RALGAPA2: variants seen among roughly 807,000 people sequenced by gnomAD.
RALGAPA2 encodes the protein Ral GTPase activating protein catalytic subunit alpha 2.
In RALGAPA2, 139 loss-of-function variants were observed where a neutral mutation model predicts 230.4. The observed-to-expected ratio is 0.60, with a 90% CI of 0.53 to 0.69. The LOEUF is 0.69. Among genes scored for constraint, RALGAPA2 ranks in the 30% least tolerant of loss-of-function variants. The pLI is 0.00. For synonymous variants in RALGAPA2, 847 were observed against 837.8 expected (o/e 1.01, Z -0.19); for missense variants, 2,163 against 2,276.0 (o/e 0.95, Z 1.01).
At chr20:20,696,426 T>G (rs1229336190) in intron 1 of RALGAPA2, among the ~76,000 whole-genome samples, 3 of 152,164 alleles carry the variant, frequency 2.0e-5, no homozygotes, top group Non-Finnish European at 4.4e-5. Flanking sequence ...ACCAAGCAAG[T>G]GTAGTCTCTA....
intron 36 of RALGAPA2, among the ~76,000 whole-genome samples, chr20:20,478,526 G>A (rs2061700127): frequency 6.6e-6 from 1 of 151,946 alleles, no homozygotes; most frequent in African/African-American, 2.4e-5. Flanking sequence ...GTCCTTTGCA[G>A]CAACATGGAT....
chr20:20,555,456 AACC>A (rs2064056022), intron 23 of RALGAPA2, among the ~76,000 whole-genome samples: 1 of 152,164 alleles, frequency 6.6e-6, no homozygotes, highest in South Asian at 2.1e-4. Flanking sequence ...TTTCTGCAAA[AACC>A]ACCATTGAAA....
At chr20:20,454,016 C>T (rs1035449294) in intron 37 of RALGAPA2, among the ~76,000 whole-genome samples, 6 of 152,236 alleles carry the variant, frequency 3.9e-5, no homozygotes, top group African/African-American at 1.2e-4. Flanking sequence ...ACCTCTATAT[C>T]GTAGGGCAGG....
At chr20:20,554,754 T>C (rs902388981) in intron 23 of RALGAPA2, among the ~76,000 whole-genome samples, 3 of 152,302 alleles carry the variant, frequency 2.0e-5, no homozygotes, top group African/African-American at 7.2e-5. Context: ...TCCACCTGTA[T>C]CAGCCTCCAA....
intron 24 of RALGAPA2, among the ~76,000 whole-genome samples, chr20:20,537,861 A>G (rs1189227315): frequency 6.6e-6 from 1 of 152,166 alleles, no homozygotes; most frequent in Non-Finnish European, 1.5e-5. Flanking sequence ...TCCCCTCACC[A>G]ACCCAATGAA....
At position 20,393,081 on chromosome 20, in the gene RALGAPA2, A is replaced by G; in HGVS notation, c.*208T>C. 1.5e-6 allele frequency: 2 copies of G among 1,344,806 alleles called. No homozygotes were observed. Among genetic ancestry groups the G allele is most frequent in the Non-Finnish European group, 2.0e-6 (2 of 1,009,660 alleles). 83.3% of individuals were successfully genotyped at this position (1,344,806 alleles called of 1,614,324 possible). ...CTGAGACACGGTAGTGGGATTCACC[A>G]TGGGCTTCAGAAGTCCACTAATGGG... On this transcript the variant is annotated 3_prime_UTR_variant, in exon 40 of 40. Coordinates refer to ENST00000202677, the MANE Select transcript of RALGAPA2 (RefSeq NM_020343.4).
chr20:20,433,726 A>G (rs2060546610), intron 37 of RALGAPA2, among the ~76,000 whole-genome samples: 1 of 152,192 alleles, frequency 6.6e-6, no homozygotes, highest in Non-Finnish European at 1.5e-5. Flanking sequence ...AGACAAGGTC[A>G]GCTGATAAAT....
chr20:20,668,618 G>T (rs536050903), intron 3 of RALGAPA2, among the ~76,000 whole-genome samples: 97 of 152,250 alleles, frequency 6.4e-4, no homozygotes, highest in African/African-American at 2.3e-3. Flanking sequence ...GATAACTATG[G>T]ATATCCAGCC....
intron 3 of RALGAPA2, among the ~76,000 whole-genome samples, chr20:20,664,640 C>A (rs945899109): frequency 6.6e-6 from 1 of 152,138 alleles, no homozygotes; most frequent in Non-Finnish European, 1.5e-5. Flanking sequence ...TGCATTTTTC[C>A]GATCTCTTCA....
intron 1 of RALGAPA2, among the ~76,000 whole-genome samples, chr20:20,698,115 A>T (rs1266454495): frequency 6.6e-6 from 1 of 152,190 alleles, no homozygotes; most frequent in Non-Finnish European, 1.5e-5. Flanking sequence ...ATATACATAC[A>T]GGTGGCTGTC....
chr20:20,606,507 G>A (rs927656189), intron 14 of RALGAPA2, among the ~76,000 whole-genome samples: 4 of 152,116 alleles, frequency 2.6e-5, no homozygotes, highest in Non-Finnish European at 5.9e-5. Context: ...GCTCGCTCCT[G>A]CATCTGGCCT....
At chr20:20,415,886 GT>G (rs970410804) in intron 37 of RALGAPA2, among the ~76,000 whole-genome samples, 1 of 152,170 alleles carries the variant, frequency 6.6e-6, no homozygotes, top group African/African-American at 2.4e-5. Context: ...ATCTGAACCT[GT>G]CCCCCAACTT....
intron 37 of RALGAPA2, among the ~76,000 whole-genome samples, chr20:20,466,576 G>A (rs757158295): frequency 2.0e-5 from 3 of 152,150 alleles, no homozygotes; most frequent in Non-Finnish European, 4.4e-5. Context: ...TGGGTTGGTC[G>A]AGGTCCCTTT....
At chr20:20,442,583 C>T (rs143596079) in intron 37 of RALGAPA2, among the ~76,000 whole-genome samples, 1 of 152,316 alleles carries the variant, frequency 6.6e-6, no homozygotes, top group Non-Finnish European at 1.5e-5. Context: ...TAGTTTTGCT[C>T]CCTGATCATT....
At chr20:20,531,463 T>C (rs1781550490) in intron 27 of RALGAPA2, among the ~76,000 whole-genome samples, 1 of 152,220 alleles carries the variant, frequency 6.6e-6, no homozygotes, top group Non-Finnish European at 1.5e-5. Flanking sequence ...AGGAACCCAT[T>C]TGGCCACTGG....
chr20:20,462,506 G>T (rs947356735), intron 37 of RALGAPA2, among the ~76,000 whole-genome samples: 1 of 152,202 alleles, frequency 6.6e-6, no homozygotes, highest in Non-Finnish European at 1.5e-5. Flanking sequence ...CTCTATCTAA[G>T]GCTTTCAAAG....
Position 20,629,356 on chromosome 20 carries a change from C to CA in RALGAPA2, c.1233+6dup. 1 of 1,526,724 alleles carries CA rather than the reference C, an allele frequency of 6.5e-7. No homozygotes were observed. Among genetic ancestry groups the CA allele is most frequent in the Non-Finnish European group, 8.9e-7 (1 of 1,120,272 alleles). The allele number at this position is 1,526,724 out of a possible 1,614,324, so 94.6% of individuals were successfully genotyped here. On this transcript the variant is annotated splice_region_variant and intron_variant, in intron 10 of 39. Transcript: ENST00000202677. ...ACACACACACACACACACACACACA[C>CA]ACTAACCTGGTGAAATACTTCATTC...
intron 3 of RALGAPA2, among the ~76,000 whole-genome samples, chr20:20,668,812 T>C (rs2068041840): frequency 6.6e-6 from 1 of 151,916 alleles, no homozygotes; most frequent in Non-Finnish European, 1.5e-5. Context: ...GAGGCAGAAG[T>C]GAAACTATGC....
intron 34 of RALGAPA2, 89 bp from the exon 35 acceptor site, chr20:20,503,595 A>T: frequency 9.2e-7 from 1 of 1,089,062 alleles, no homozygotes; most frequent in Non-Finnish European, 1.2e-6. Context: ...AAAAAAATAA[A>T]TTATTTTCGT....
Sources: allele counts gnomAD v4.1 joint callset (sites outside exome capture counted in the v4.1 genomes callset), GRCh38; gene constraint gnomAD v4.1.1; transcripts MANE v1.5; gene names NCBI Gene and HGNC (gene_info 2026-07-23, HGNC 2026-07-21).